GATAD2A: variants seen among roughly 807,000 people sequenced by gnomAD.
The protein encoded by GATAD2A is transcriptional repressor p66-alpha.
GATAD2A carries 12 observed loss-of-function variants against 68.5 expected under a neutral mutation model. The ratio of observed to expected loss-of-function variants is 0.18; its 90% CI spans 0.11 to 0.28. GATAD2A has a LOEUF of 0.28. Ranked by LOEUF, GATAD2A falls within the 10% of genes least tolerant of loss-of-function variation. GATAD2A has a pLI of 1.00. For synonymous variants in GATAD2A, 410 were observed against 375.3 expected (o/e 1.09, Z -1.07); for missense variants, 755 against 868.5 (o/e 0.87, Z 1.64).
At chr19:19,498,415 G>T (rs187569302) in intron 7 of GATAD2A, 28 bp from the exon 8 acceptor site, 2 of 1,589,486 alleles carry the variant, frequency 1.3e-6, no homozygotes, top group African/African-American at 2.7e-5. Flanking sequence ...CGCACGGAGC[G>T]CCCTGACTGA....
intron 1 of GATAD2A, among the ~76,000 whole-genome samples, chr19:19,417,341 A>G (rs1211402419): frequency 6.6e-6 from 1 of 152,144 alleles, no homozygotes; most frequent in Non-Finnish European, 1.5e-5. Flanking sequence ...AGTGTCTTCC[A>G]CACTTAGAAT....
At position 19,505,327 on chromosome 19, in the gene GATAD2A, G is replaced by C; in HGVS notation, c.1775-17G>C. On this transcript the variant is annotated splice_polypyrimidine_tract_variant and intron_variant, in intron 11 of 11. Coordinates refer to ENST00000683918, the MANE Select transcript of GATAD2A (RefSeq NM_001384528.1). Reference sequence around the variant, plus strand: ...CTGACGAGGGCCTTCTCAGCTGGTCGCTCTGTTCTGTTGCAGGCGGGACCC... The same window carrying C: ...CTGACGAGGGCCTTCTCAGCTGGTCCCTCTGTTCTGTTGCAGGCGGGACCC... 1 of 1,611,624 alleles carries C rather than the reference G, an allele frequency of 6.2e-7. No individual in the cohort carries two copies. Among genetic ancestry groups the C allele is most frequent in the Non-Finnish European group, 8.5e-7 (1 of 1,179,016 alleles).
At chr19:19,440,359 C>T (rs933347677) in intron 1 of GATAD2A, 1 of 194,552 alleles carries the variant, frequency 5.1e-6, no homozygotes, top group Non-Finnish European at 1.0e-5. Flanking sequence ...CAATCTCCGC[C>T]TACCAGGTTC....
At chr19:19,473,441 CA>C (rs899457183) in intron 2 of GATAD2A, among the ~76,000 whole-genome samples, 2 of 152,188 alleles carry the variant, frequency 1.3e-5, no homozygotes, top group African/African-American at 4.8e-5. Context: ...CCTGCAAAAC[CA>C]GTCGCAATTG....
rs531226168 is a variant in GATAD2A at position 19,393,897 on chromosome 19, T to C, written c.-7+7759T>C. Among the ~76,000 whole-genome samples the C allele has an allele frequency of 8.6e-5, 13 of 151,892 alleles. No homozygotes were observed. The South Asian group carries it at 2.5e-3, about 29-fold the overall frequency. On this transcript the variant is annotated intron_variant, in intron 1 of 11. Transcript: ENST00000360315. ...TTTCAGGTTTGCCTTTGTTTCTTTT[T>C]TTTTTTTTGGAGACAGTCTTGCTCT...
At chr19:19,387,137 T>C (rs1174875357) in intron 1 of GATAD2A, among the ~76,000 whole-genome samples, 2 of 151,986 alleles carry the variant, frequency 1.3e-5, no homozygotes, top group Admixed American at 6.6e-5. Flanking sequence ...CCCCTGATTC[T>C]ATCAGGGTGT....
intron 1 of GATAD2A, among the ~76,000 whole-genome samples, chr19:19,412,163 A>AT (rs1418970588): frequency 1.6e-5 from 2 of 124,390 alleles, no homozygotes; most frequent in African/African-American, 3.0e-5. Context: ...TTTTTTTTTA[A>AT]TTTTTTTGTT....
At chr19:19,476,180 A>G (rs907828911) in intron 2 of GATAD2A, among the ~76,000 whole-genome samples, 1 of 152,242 alleles carries the variant, frequency 6.6e-6, no homozygotes, top group East Asian at 1.9e-4. Flanking sequence ...ACCAGAGGCC[A>G]CACTTTATAT....
At chr19:19,500,945 G>A (rs1206097578) in intron 8 of GATAD2A, among the ~76,000 whole-genome samples, 173 bp from the exon 9 acceptor site, 1 of 152,262 alleles carries the variant, frequency 6.6e-6, no homozygotes. Context: ...GACGTTTTCT[G>A]AAGCTGTTCG....
At chr19:19,429,117 C>T in intron 1 of GATAD2A, 1 of 850,274 alleles carries the variant, frequency 1.2e-6, no homozygotes, top group Non-Finnish European at 1.4e-6. Context: ...TCCTCCGTGC[C>T]CACGTGGGTG....
At chr19:19,471,271 A>C (rs2058288841) in intron 2 of GATAD2A, among the ~76,000 whole-genome samples, 1 of 146,260 alleles carries the variant, frequency 6.8e-6, no homozygotes, top group Non-Finnish European at 1.5e-5. Context: ...AAAAAAAAAA[A>C]GTGGAAGCAA....
intron 11 of GATAD2A, 65 bp from the exon 12 acceptor site, chr19:19,505,279 C>T: frequency 2.0e-6 from 3 of 1,530,480 alleles, no homozygotes; most frequent in Non-Finnish European, 2.7e-6. Flanking sequence ...GCAGCTATGG[C>T]TGGGCTCCTC....
chr19:19,482,950 A>C (rs1600247211), intron 2 of GATAD2A, among the ~76,000 whole-genome samples: 1 of 151,206 alleles, frequency 6.6e-6, no homozygotes, highest in African/African-American at 2.4e-5. Context: ...TGTCTCTACT[A>C]CCCTCAGCCA....
chr19:19,397,135 T>G (rs1257632798), intron 1 of GATAD2A, among the ~76,000 whole-genome samples: 1 of 152,276 alleles, frequency 6.6e-6, no homozygotes, highest in East Asian at 1.9e-4. Context: ...AAAGTCAGAG[T>G]TTGAGCTGAT....
chr19:19,441,192 G>A (rs978053729), intron 1 of GATAD2A, among the ~76,000 whole-genome samples: 2 of 151,964 alleles, frequency 1.3e-5, no homozygotes, highest in South Asian at 2.1e-4. Flanking sequence ...ACAGGCGCCC[G>A]CCACCATGCC....
intron 1 of GATAD2A, among the ~76,000 whole-genome samples, chr19:19,434,483 C>T (rs1214375826): frequency 6.6e-6 from 1 of 152,170 alleles, no homozygotes; most frequent in East Asian, 1.9e-4. Flanking sequence ...TGCAAGTTCT[C>T]CTGTGGGAGT....
intron 1 of GATAD2A, among the ~76,000 whole-genome samples, chr19:19,392,630 T>C (rs1228942925): frequency 2.0e-5 from 3 of 151,526 alleles, no homozygotes; most frequent in Non-Finnish European, 2.9e-5. Context: ...GACCTCGTGA[T>C]CCACCTGCCT....
rs557722382 is a variant in GATAD2A at position 19,455,725 on chromosome 19, C to T, written c.-6-9615C>T. Among the ~76,000 whole-genome samples the T allele has an allele frequency of 2.0e-4, 31 of 152,166 alleles. No homozygotes were observed. In the South Asian group the frequency reaches 5.6e-3, roughly 27 times the overall value. ...TGAGCATCTGGGAATTTTGGCATCCCGGGAGTTCCTGGAAATAATCCTCCA... is the reference window on the plus strand; with the variant it reads ...TGAGCATCTGGGAATTTTGGCATCCTGGGAGTTCCTGGAAATAATCCTCCA... On this transcript the variant is annotated intron_variant, in intron 1 of 11. Transcript: ENST00000683918.
chr19:19,405,242 CACAG>C (rs2050080316), upstream of GATAD2A, among the ~76,000 whole-genome samples: 1 of 152,152 alleles, frequency 6.6e-6, no homozygotes, highest in Admixed American at 6.5e-5. Flanking sequence ...CCGCCCTCCC[CACAG>C]ACACCGGGGC....
Sources: gnomAD v4.1 joint callset for allele counts (sites outside exome capture counted in the v4.1 genomes callset) on GRCh38, gnomAD v4.1.1 for gene constraint, MANE v1.5 for transcripts, NCBI Gene and HGNC (gene_info 2026-07-23, HGNC 2026-07-21) for gene names.